The following SMC4 variants were observed in gnomAD, a reference collection of about 807,000 sequenced individuals.
SMC4 encodes structural maintenance of chromosomes 4.
SMC4 carries 87 observed loss-of-function variants against 145.6 expected under a neutral mutation model. The observed-to-expected ratio is 0.60, with a 90% CI of 0.50 to 0.71. The LOEUF is 0.71. SMC4 is among the 30% of genes least tolerant of loss of function. The pLI is 0.00. For synonymous variants in SMC4, 558 were observed against 500.7 expected, an observed-to-expected ratio of 1.11 and a Z score of -1.53; for missense variants, 1,447 against 1,537.1, an observed-to-expected ratio of 0.94 and a Z score of 0.98.
At chr3:160,401,164 A>C (rs1714587286) in intron 2 of SMC4, among the ~76,000 whole-genome samples, 199 bp downstream of exon 2, 1 of 152,020 alleles carries the variant, frequency 6.6e-6, no homozygotes, top group Non-Finnish European at 1.5e-5. Context: ...CGGCGCTGGA[A>C]GGGATGGGGG....
In SMC4 at chr3:160,410,332, T is replaced by G. The variant is rs1715848183; in HGVS notation, c.688-1588T>G. ...CAGCCCAAAATGTCAGTAGTGCCAC[T>G]GTTGATAAACCCTACGTAGATACAA... On this transcript the variant is annotated intron_variant, in intron 5 of 23. Transcript: ENST00000357388. 3.9e-5 allele frequency among the ~76,000 whole-genome samples: 6 copies of G among 152,320 alleles called. No individual in the cohort carries two copies. The South Asian group carries it at 1.0e-3, about 26-fold the overall frequency.
chr3:160,405,634 T>C (rs1715246782), intron 5 of SMC4, among the ~76,000 whole-genome samples: 3 of 152,072 alleles, frequency 2.0e-5, no homozygotes, highest in Admixed American at 6.5e-5. Flanking sequence ...TTTTTTAATA[T>C]CTTTTGTTAC....
chr3:160,404,677 G>A, intron 5 of SMC4, 173 bp downstream of exon 5: 1 of 767,986 alleles, frequency 1.3e-6, no homozygotes, highest in South Asian at 1.4e-5. Flanking sequence ...GAAATTTAAG[G>A]AAATTCATTC....
In SMC4 at chr3:160,432,520, G is replaced by A; in HGVS notation, c.3530+5G>A. On this transcript the variant is annotated splice_donor_5th_base_variant and intron_variant, in intron 22 of 23. Coordinates refer to ENST00000357388, the MANE Select transcript of SMC4 (RefSeq NM_001002800.3). ...CTCTGAAGGAATCATGTTCAGGTGT[G>A]TAATTATGCTGAGTTTATAATCCCA... 1 of 1,537,224 alleles carries A rather than the reference G, an allele frequency of 6.5e-7. No homozygotes were observed. Among genetic ancestry groups the A allele is most frequent in the Non-Finnish European group, 8.9e-7 (1 of 1,129,294 alleles).
intron 18 of SMC4, among the ~76,000 whole-genome samples, chr3:160,430,184 A>C (rs544755094): frequency 9.0e-4 from 137 of 152,272 alleles, no homozygotes; most frequent in Admixed American, 2.2e-3. Flanking sequence ...AGAGATAAGG[A>C]GGTAATAAGG....
Position 160,424,946 on chromosome 3 carries a change from A to G in SMC4, c.2405A>G (p.Glu802Gly). The G allele has an allele frequency of 6.2e-7, 1 of 1,614,092 alleles. No individual in the cohort carries two copies. The highest frequency in any genetic ancestry group is 8.5e-7 in the Non-Finnish European group (1 of 1,180,008). The change falls in exon 16 of 24, where the codon GAA becomes GGA. Residue 802 changes from glutamate to glycine, a missense_variant. Glu to Gly is a moderately conservative substitution (Grantham distance 98). Transcript: ENST00000357388. ...QIQEQKVQLE[E>G]RVVKLRHSER... The stretch of plus-strand genomic sequence containing the variant: ...CAAGAACAGAAAGTACAACTTGAAG[A>G]AAGAGTAGTTAAGTTACGGCATAGT...
chr3:160,416,241 A>T lies in SMC4; in HGVS notation c.1273-10A>T. Reference sequence around the variant, plus strand: ...GATGTATGCTCCTATAACTTGTTTTATAATCTCAGGTTGAAGAATTTAAAA... The same window carrying T: ...GATGTATGCTCCTATAACTTGTTTTTTAATCTCAGGTTGAAGAATTTAAAA... On this transcript the variant is annotated splice_polypyrimidine_tract_variant and intron_variant, in intron 9 of 23. Transcript: ENST00000357388. 6.4e-7 allele frequency: 1 copy of T among 1,569,852 alleles called. No individual in the cohort carries two copies. The highest frequency in any genetic ancestry group is 1.4e-5 in the African/African-American group (1 of 72,592).
chr3:160,400,798 C>G (rs773413674), intron 1 of SMC4, 24 bp from the exon 2 acceptor site: 1 of 1,493,520 alleles, frequency 6.7e-7, no homozygotes, highest in Non-Finnish European at 8.8e-7. Flanking sequence ...GGCTGACTTG[C>G]TCCCGGCTGT....
At chr3:160,415,923 G>A (rs531171757) in intron 9 of SMC4, among the ~76,000 whole-genome samples, 82 of 152,300 alleles carry the variant, frequency 5.4e-4, no homozygotes, top group South Asian at 3.5e-3. Flanking sequence ...AGAAAATTCC[G>A]TGTAGTCAGA....
rs1215231972 is a variant in SMC4, at chr3:160,428,995, G to C, written c.2795+53G>C. The C allele has an allele frequency of 2.2e-6, 3 of 1,384,524 alleles. No homozygotes were observed. The Admixed American group carries it at 7.7e-5, about 36-fold the overall frequency. 85.8% of individuals were successfully genotyped at this position (1,384,524 alleles called of 1,614,324 possible). On this transcript the variant is annotated intron_variant, in intron 18 of 23. Transcript: ENST00000357388. Reference sequence around the variant, plus strand: ...TTTTCCCTTTCCCTGCCTTCACATTGGAAAGGGGGTTACTATGTAATGTTC... The same window carrying C: ...TTTTCCCTTTCCCTGCCTTCACATTCGAAAGGGGGTTACTATGTAATGTTC...
chr3:160,425,335 A>AGCAATGCAC (rs1309248392), intron 16 of SMC4, among the ~76,000 whole-genome samples: 1 of 152,144 alleles, frequency 6.6e-6, no homozygotes, highest in African/African-American at 2.4e-5. Flanking sequence ...ATTATGAAAA[A>AGCAATGCAC]GCAATGCACG....
At position 160,431,696 on chromosome 3, in the gene SMC4, G is replaced by C; in HGVS notation, c.3168G>C (p.Ser1056=). 1 of 1,610,912 alleles carries C rather than the reference G, an allele frequency of 6.2e-7. No homozygotes were observed. The highest frequency in any genetic ancestry group is 8.5e-7 in the Non-Finnish European group (1 of 1,179,346). The change falls in exon 21 of 24, where the codon TCG becomes TCC. Residue 1056 remains serine (S), a synonymous_variant. Coordinates refer to ENST00000357388, the MANE Select transcript of SMC4 (RefSeq NM_001002800.3). ...PIEDNPIEEI[S]VLSPEDLEAI... ...AAGATAATCCTATTGAAGAGATTTC[G>C]GTTCTAAGCCCAGAGGATCTTGAAG...
chr3:160,404,714 T>C, intron 5 of SMC4: 2 of 696,026 alleles, frequency 2.9e-6, no homozygotes, highest in Non-Finnish European at 5.5e-6. Flanking sequence ...CATCAGATGT[T>C]CGTTTTATGT....
intron 10 of SMC4, 79 bp from the exon 11 acceptor site, chr3:160,417,644 T>C: frequency 9.2e-7 from 1 of 1,092,288 alleles, no homozygotes; most frequent in Non-Finnish European, 1.3e-6. Flanking sequence ...TTAAATCGAA[T>C]ATAAAATGTA....
At chr3:160,427,837 A>G (rs1267477513) in intron 17 of SMC4, among the ~76,000 whole-genome samples, 2 of 152,254 alleles carry the variant, frequency 1.3e-5, no homozygotes, top group Non-Finnish European at 2.9e-5. Flanking sequence ...CTGTAATCCC[A>G]GCACTTGGGA....
At chr3:160,429,390 T>C (rs1718132145) in intron 18 of SMC4, among the ~76,000 whole-genome samples, 1 of 152,196 alleles carries the variant, frequency 6.6e-6, no homozygotes, top group Admixed American at 6.5e-5. Flanking sequence ...GTTGCCCAGG[T>C]TGGAGTGCAG....
chr3:160,412,121 G>T, intron 6 of SMC4, 37 bp downstream of exon 6: 1 of 1,586,092 alleles, frequency 6.3e-7, no homozygotes, highest in Non-Finnish European at 8.6e-7. Flanking sequence ...AAATCAGAAT[G>T]TTTCATTTAT....
chr3:160,433,214 G>C lies in SMC4; in HGVS notation c.3714+5G>C, dbSNP rs190513430. 1.3e-6 allele frequency: 2 copies of C among 1,595,782 alleles called. No homozygotes were observed. Among genetic ancestry groups the C allele is most frequent in the Admixed American group, 3.4e-5 (2 of 58,024 alleles). ...ATTGTTGCATTTTATATATATGTAA[G>C]TAATCATTTTGGGATTTTCATTCCA... is the stretch of plus-strand genomic sequence containing the variant. On this transcript the variant is annotated splice_donor_5th_base_variant and intron_variant, in intron 23 of 23. Coordinates refer to ENST00000357388, the MANE Select transcript of SMC4 (RefSeq NM_001002800.3).
intron 12 of SMC4, 194 bp from the exon 13 acceptor site, chr3:160,420,546 G>T: frequency 2.1e-6 from 1 of 470,116 alleles, no homozygotes; most frequent in Non-Finnish European, 3.7e-6. Context: ...CTTTCATTTT[G>T]TGCTCATTAG....
Sources: gnomAD v4.1 joint callset for allele counts (sites outside exome capture counted in the v4.1 genomes callset) on GRCh38, gnomAD v4.1.1 for gene constraint, MANE v1.5 for transcripts, NCBI Gene and HGNC (gene_info 2026-07-23, HGNC 2026-07-21) for gene names.